Variants in KCNH7 observed in about 807,000 individuals in gnomAD.
KCNH7 encodes voltage-gated inwardly rectifying potassium channel KCNH7.
In KCNH7, 49 loss-of-function variants were observed where a neutral mutation model predicts 120.8. The observed-to-expected ratio is 0.41, with a 90% confidence interval of 0.32 to 0.51. The LOEUF (loss-of-function observed/expected upper bound fraction) is 0.51, where lower values mean the gene tolerates loss of function less well. Ranked by LOEUF, KCNH7 falls within the 20% of genes least tolerant of loss-of-function variation. The pLI, the probability that KCNH7 is intolerant of heterozygous loss-of-function variation, is 0.38. For missense variants in KCNH7, 1,097 were observed against 1,446.6 expected (o/e 0.76, Z 3.92); for synonymous variants, 547 against 516.1 (o/e 1.06, Z -0.81).
In KCNH7 at chr2:162,443,260, T is replaced by A. The variant is rs531336150; in HGVS notation, c.1554+2758A>T. ...TCATTTCTCTTCTTATACTGACATA[T>A]TATTTTTCTAGATGCTCATGGGGTG... On this transcript the variant is annotated intron_variant, in intron 7 of 15. Transcript: ENST00000332142. Among the ~76,000 whole-genome samples, 5 of 152,288 alleles carry A rather than the reference T, an allele frequency of 3.3e-5. No individual in the cohort carries two copies. In the East Asian group the frequency reaches 9.7e-4, roughly 29 times the overall value.
intron 2 of KCNH7, among the ~76,000 whole-genome samples, chr2:162,621,610 G>A (rs576876616): frequency 6.6e-6 from 1 of 152,160 alleles, no homozygotes; most frequent in South Asian, 2.1e-4. Context: ...ATATATTTAA[G>A]TCACAGGCTT....
intron 3 of KCNH7, among the ~76,000 whole-genome samples, chr2:162,529,108 G>A (rs886762065): frequency 2.6e-5 from 4 of 151,968 alleles, no homozygotes; most frequent in African/African-American, 9.7e-5. Flanking sequence ...TAAAGGAGAT[G>A]TCTAGTGGGA....
At chr2:162,713,908 C>T (rs1687015214) in intron 2 of KCNH7, among the ~76,000 whole-genome samples, 1 of 152,082 alleles carries the variant, frequency 6.6e-6, no homozygotes, top group East Asian at 1.9e-4. Context: ...GCCACCATGT[C>T]CAGCTAATTT....
Position 162,407,232 on chromosome 2 carries a change from G to GA in KCNH7, c.2155-6792dup, listed in dbSNP as rs35476747. Among the ~76,000 whole-genome samples the GA allele has an allele frequency of 5.9e-5, 9 of 151,940 alleles. No individual in the cohort carries two copies. In the East Asian group the frequency reaches 1.8e-3, roughly 30 times the overall value. On this transcript the variant is annotated intron_variant, in intron 9 of 15. Coordinates refer to ENST00000332142, the MANE Select transcript of KCNH7 (RefSeq NM_033272.4). ...TGGCATATGATTTATATCCCTTAGG[G>GA]AAAAAAATATGGGCAGAATAAAAAC... is the stretch of plus-strand genomic sequence containing the variant.
Position 162,748,197 on chromosome 2 carries a change from G to C in KCNH7, c.307+88340C>G, listed in dbSNP as rs573237733. ...ATAGCCCTTGGGGAAATCCTGTGGGGTACCCAGAACACAATATAGAACTCT... is the reference window on the plus strand; with the variant it reads ...ATAGCCCTTGGGGAAATCCTGTGGGCTACCCAGAACACAATATAGAACTCT... On this transcript the variant is annotated intron_variant, in intron 2 of 15. Coordinates refer to ENST00000332142, the MANE Select transcript of KCNH7 (RefSeq NM_033272.4). Among the ~76,000 whole-genome samples the C allele has an allele frequency of 1.1e-4, 16 of 152,254 alleles. No individual in the cohort carries two copies. The South Asian group carries it at 3.3e-3, about 32-fold the overall frequency.
chr2:162,493,595 T>C (rs1048159433), intron 6 of KCNH7, among the ~76,000 whole-genome samples: 1 of 152,316 alleles, frequency 6.6e-6, no homozygotes, highest in East Asian at 1.9e-4. Context: ...TAGGGACATA[T>C]GGAATTAACC....
intron 2 of KCNH7, among the ~76,000 whole-genome samples, chr2:162,703,313 C>A (rs977474060): frequency 6.6e-6 from 1 of 151,982 alleles, no homozygotes; most frequent in African/African-American, 2.4e-5. Context: ...TACTTAATGA[C>A]CCATAAAAAC....
At chr2:162,418,011 G>C (rs1405168963) in intron 9 of KCNH7, among the ~76,000 whole-genome samples, 3 of 152,186 alleles carry the variant, frequency 2.0e-5, no homozygotes, top group Non-Finnish European at 2.9e-5. Context: ...AGGTGATCAT[G>C]AGTGATAAAT....
At chr2:162,748,134 G>T (rs1026893122) in intron 2 of KCNH7, among the ~76,000 whole-genome samples, 1 of 152,200 alleles carries the variant, frequency 6.6e-6, no homozygotes, top group Non-Finnish European at 1.5e-5. Flanking sequence ...CTTACTTGCA[G>T]AAGGGAAAGG....
intron 2 of KCNH7, among the ~76,000 whole-genome samples, chr2:162,803,034 C>A (rs1194592668): frequency 1.3e-5 from 2 of 151,694 alleles, no homozygotes; most frequent in African/African-American, 4.8e-5. Flanking sequence ...TAGCATTAAT[C>A]CATTTCTTTT....
At chr2:162,530,472 G>GCACA (rs111443301) in intron 3 of KCNH7, among the ~76,000 whole-genome samples, 88 of 149,754 alleles carry the variant, frequency 5.9e-4, no homozygotes, top group East Asian at 2.2e-3. Flanking sequence ...GAGCGTGCGC[G>GCACA]CACACACACA....
chr2:162,513,254 T>C (rs188456494), intron 4 of KCNH7, among the ~76,000 whole-genome samples: 67 of 102,314 alleles, frequency 6.5e-4, no homozygotes, highest in Admixed American at 3.0e-3. Flanking sequence ...CCCTTCCCTC[T>C]TTCCCTCCTT....
At chr2:162,480,685 C>A (rs1360017530) in intron 6 of KCNH7, among the ~76,000 whole-genome samples, 1 of 152,058 alleles carries the variant, frequency 6.6e-6, no homozygotes, top group Non-Finnish European at 1.5e-5. Context: ...TATTTTTAAA[C>A]AAACTCTATT....
chr2:162,434,245 T>C (rs1470990194), intron 8 of KCNH7, among the ~76,000 whole-genome samples: 2 of 152,002 alleles, frequency 1.3e-5, no homozygotes, highest in African/African-American at 4.8e-5. Flanking sequence ...GATAAAGGGA[T>C]GGGGGCAAGG....
chr2:162,393,247 T>G lies in KCNH7; in HGVS notation c.2710+1142A>C, dbSNP rs374895522. 3.9e-5 allele frequency among the ~76,000 whole-genome samples: 6 copies of G among 152,078 alleles called. No individual in the cohort carries two copies. In the East Asian group the frequency reaches 5.8e-4, roughly 15 times the overall value. ...TTCCAGGGTGCACCATGAGTTCAAT[T>G]TAGGAAATGTTGAGTTCGAGCTGCC... On this transcript the variant is annotated intron_variant, in intron 12 of 15. Coordinates refer to ENST00000332142, the MANE Select transcript of KCNH7 (RefSeq NM_033272.4).
At chr2:162,820,293 T>C (rs916977956) in intron 2 of KCNH7, among the ~76,000 whole-genome samples, 10 of 148,040 alleles carry the variant, frequency 6.8e-5, no homozygotes, top group Non-Finnish European at 1.2e-4. Context: ...GCCAGGATGG[T>C]CTCCATCTCC....
chr2:162,706,487 A>C (rs759607218), intron 2 of KCNH7, among the ~76,000 whole-genome samples: 1 of 152,086 alleles, frequency 6.6e-6, no homozygotes, highest in Non-Finnish European at 1.5e-5. Flanking sequence ...TGATGGTCAC[A>C]GTCATTAGGT....
intron 2 of KCNH7, among the ~76,000 whole-genome samples, chr2:162,758,599 A>T (rs889211518): frequency 6.6e-5 from 10 of 152,104 alleles, no homozygotes; most frequent in Non-Finnish European, 1.3e-4. Context: ...GTATCTACAT[A>T]TACATGTATA....
At chr2:162,386,461 C>T (rs1383459067) in intron 12 of KCNH7, among the ~76,000 whole-genome samples, 9 of 151,728 alleles carry the variant, frequency 5.9e-5, no homozygotes, top group East Asian at 3.9e-4. Context: ...GTGAAAAAAA[C>T]GAAAGTTTCA....
Sources: allele counts gnomAD v4.1 joint callset (sites outside exome capture counted in the v4.1 genomes callset), GRCh38; gene constraint gnomAD v4.1.1; transcripts MANE v1.5; gene names NCBI Gene and HGNC (gene_info 2026-07-23, HGNC 2026-07-21).